The following JMJD1C variants were observed in gnomAD, a reference collection of about 807,000 sequenced individuals.
The protein encoded by JMJD1C is jumonji domain-containing protein 1C.
In JMJD1C, 31 loss-of-function variants were observed where a neutral mutation model predicts 245.3. The observed-to-expected ratio is 0.13, with a 90% CI of 0.09 to 0.17. The LOEUF (loss-of-function observed/expected upper bound fraction) is 0.17, where lower values mean the gene tolerates loss of function less well. JMJD1C is among the 10% of genes least tolerant of loss of function. The pLI, the probability that JMJD1C is intolerant of heterozygous loss-of-function variation, is 1.00. For synonymous variants in JMJD1C, 1,057 were observed against 1,017.4 expected (o/e 1.04, Z -0.74); for missense variants, 2,691 against 3,000.2 (o/e 0.90, Z 2.41).
At chr10:63,297,374 G>A (rs528721893) in intron 2 of JMJD1C, among the ~76,000 whole-genome samples, 116 of 152,296 alleles carry the variant, frequency 7.6e-4, no homozygotes, top group Middle Eastern at 6.8e-3. Context: ...ACACTCATCA[G>A]GACTACCTGT....
intron 1 of JMJD1C, among the ~76,000 whole-genome samples, chr10:63,484,426 G>C (rs1192062280): frequency 6.6e-6 from 1 of 152,040 alleles, no homozygotes; most frequent in Non-Finnish European, 1.5e-5. Flanking sequence ...GTAACTTCTA[G>C]TGTATGTAAC....
chr10:63,216,052 T>C (rs2133237280), intron 5 of JMJD1C, among the ~76,000 whole-genome samples: 1 of 152,254 alleles, frequency 6.6e-6, no homozygotes, highest in African/African-American at 2.4e-5. Context: ...AACTCAGAGG[T>C]AGACTTTAGG....
intron 1 of JMJD1C, among the ~76,000 whole-genome samples, chr10:63,428,218 A>C (rs1203752708): frequency 6.6e-6 from 1 of 152,150 alleles, no homozygotes; most frequent in African/African-American, 2.4e-5. Context: ...TACATCAATC[A>C]CTTTTTTTAA....
At chr10:63,293,063 C>T (rs1858970418) in intron 2 of JMJD1C, among the ~76,000 whole-genome samples, 1 of 152,030 alleles carries the variant, frequency 6.6e-6, no homozygotes, top group Non-Finnish European at 1.5e-5. Flanking sequence ...ACAAACAAAA[C>T]AAACAAACCA....
intron 1 of JMJD1C, among the ~76,000 whole-genome samples, chr10:63,392,015 C>T (rs991926903): frequency 6.6e-6 from 1 of 152,138 alleles, no homozygotes; most frequent in Non-Finnish European, 1.5e-5. Context: ...TATTTAAAAC[C>T]ACTGATTTCT....
intron 10 of JMJD1C, among the ~76,000 whole-genome samples, chr10:63,205,450 T>C (rs1465732693): frequency 6.6e-6 from 1 of 152,220 alleles, no homozygotes; most frequent in African/African-American, 2.4e-5. Context: ...AAAAATATTC[T>C]ACAAAGTTCC....
intron 2 of JMJD1C, among the ~76,000 whole-genome samples, chr10:63,371,172 G>A (rs1450422854): frequency 6.7e-6 from 1 of 150,364 alleles, no homozygotes; most frequent in African/African-American, 2.5e-5. Context: ...GTAGGGATGA[G>A]GGTATAGCTA....
chr10:63,224,528 A>G (rs1849011865), intron 3 of JMJD1C, among the ~76,000 whole-genome samples: 1 of 152,196 alleles, frequency 6.6e-6, no homozygotes, highest in Non-Finnish European at 1.5e-5. Flanking sequence ...CCCATTTTAA[A>G]GAGGATTATT....
In JMJD1C at chr10:63,273,381, G is replaced by C. The variant is rs1396738038; in HGVS notation, c.334-8617C>G. On this transcript the variant is annotated intron_variant, in intron 2 of 25. Transcript: ENST00000399262. ...TAATATAAATATATTAATGTGACTG[G>C]TCTGGTATTAATTGGTCTGGTACTC... is the stretch of plus-strand genomic sequence containing the variant. 2.6e-5 allele frequency among the ~76,000 whole-genome samples: 4 copies of C among 152,098 alleles called. No homozygotes were observed. The East Asian group carries it at 7.7e-4, about 29-fold the overall frequency.
At chr10:63,275,156 A>G (rs1472338549) in intron 2 of JMJD1C, among the ~76,000 whole-genome samples, 3 of 152,230 alleles carry the variant, frequency 2.0e-5, no homozygotes, top group African/African-American at 4.8e-5. Flanking sequence ...TTTGTCAAAA[A>G]TCTTGTTTAT....
intron 1 of JMJD1C, among the ~76,000 whole-genome samples, chr10:63,404,309 A>G (rs1449818414): frequency 6.6e-6 from 1 of 152,190 alleles, no homozygotes; most frequent in African/African-American, 2.4e-5. Context: ...TCTCATTTCA[A>G]AACAAACGAG....
intron 10 of JMJD1C, chr10:63,202,619 G>T (rs1846154729): frequency 1.0e-6 from 1 of 985,240 alleles, no homozygotes; most frequent in South Asian, 4.7e-5. Context: ...TCCCCTCTCT[G>T]TCTCTAACTT....
At chr10:63,407,253 G>A (rs1356163272) in intron 1 of JMJD1C, among the ~76,000 whole-genome samples, 1 of 152,176 alleles carries the variant, frequency 6.6e-6, no homozygotes, top group Admixed American at 6.5e-5. Context: ...GGTTATGAAA[G>A]GGTCCCTGGA....
intron 1 of JMJD1C, among the ~76,000 whole-genome samples, chr10:63,503,441 C>T (rs1954622183): frequency 6.6e-6 from 1 of 152,142 alleles, no homozygotes; most frequent in South Asian, 2.1e-4. Context: ...TTTAAGAGAT[C>T]CTTTCTATGA....
chr10:63,422,967 T>TC (rs1352471280), intron 1 of JMJD1C, among the ~76,000 whole-genome samples: 175 of 151,686 alleles, frequency 1.2e-3, no homozygotes, highest in Non-Finnish European at 1.8e-3. Flanking sequence ...CTTTTTTTTT[T>TC]TCTTTTTTTT....
In JMJD1C at chr10:63,208,763, G is replaced by C; in HGVS notation, c.2906C>G (p.Ser969Cys). The change falls in exon 10 of 26, where the codon TCT becomes TGT. Residue 969 changes from serine (S) to cysteine (C), a missense_variant. By Grantham distance (112) the Ser-to-Cys change is moderately radical (BLOSUM62 -1). This residue lies in a region of JMJD1C where 1,562 missense variants were observed against 1,490.7 expected (regional missense o/e 1.05). Coordinates refer to ENST00000399262, the MANE Select transcript of JMJD1C (RefSeq NM_032776.3). Reference sequence around the variant, plus strand: ...ATTTTTGGCTGATGTGGATGCAACAGACCGTAATGGTTCCATAAAAGCTTT... The same window carrying C: ...ATTTTTGGCTGATGTGGATGCAACACACCGTAATGGTTCCATAAAAGCTTT... Reference protein sequence around the residue: ...ERKAFMEPLRSVASTSAKNDL... With the variant: ...ERKAFMEPLRCVASTSAKNDL... The C allele has an allele frequency of 6.2e-7, 1 of 1,601,778 alleles. No individual in the cohort carries two copies. The highest frequency in any genetic ancestry group is 8.5e-7 in the Non-Finnish European group (1 of 1,176,426).
rs142145484 is a variant in JMJD1C, at chr10:63,176,284, A to G, written c.7401+13T>C. On this transcript the variant is annotated intron_variant, in intron 24 of 25. Coordinates refer to ENST00000399262, the MANE Select transcript of JMJD1C (RefSeq NM_032776.3). ...GTCAGTAAAAAATATGTTAGAAATA[A>G]GTTTGTATATACCTGATGAAGTGCT... 5.8e-4 allele frequency: 906 copies of G among 1,566,566 alleles called. 5 individuals are homozygous for G. The African/African-American group carries it at 0.011, about 20-fold the overall frequency.
chr10:63,509,504 T>G (rs1954813848), intron 1 of JMJD1C, among the ~76,000 whole-genome samples: 1 of 152,218 alleles, frequency 6.6e-6, no homozygotes. Flanking sequence ...CCTTAAATAT[T>G]TGGTAGACTC....
At chr10:63,424,451 G>A (rs902427135) in intron 1 of JMJD1C, among the ~76,000 whole-genome samples, 4 of 149,680 alleles carry the variant, frequency 2.7e-5, no homozygotes, top group Non-Finnish European at 4.4e-5. Context: ...TTTTAAAGTG[G>A]CTTGCTCAAC....
Sources: allele counts gnomAD v4.1 joint callset (sites outside exome capture counted in the v4.1 genomes callset), GRCh38; gene constraint gnomAD v4.1.1; regional missense constraint gnomAD v4.1.1; transcripts MANE v1.5; gene names NCBI Gene and HGNC (gene_info 2026-07-23, HGNC 2026-07-21).